The following ADAMTS20 variants were observed in gnomAD, a reference collection of about 807,000 sequenced individuals.
ADAMTS20 encodes the protein ADAM metallopeptidase with thrombospondin type 1 motif 20.
ADAMTS20 carries 225 observed loss-of-function variants against 260.1 expected under a neutral mutation model. The ratio of observed to expected loss-of-function variants is 0.87; its 90% CI spans 0.78 to 0.97. The LOEUF is 0.97. Among genes scored for constraint, ADAMTS20 ranks in the 50% least tolerant of loss-of-function variants. The pLI is 0.00. For synonymous variants in ADAMTS20, 802 were observed against 769.5 expected, an observed-to-expected ratio of 1.04 and a Z score of -0.70; for missense variants, 2,400 against 2,337.7, an observed-to-expected ratio of 1.03 and a Z score of -0.55.
At chr12:43,535,431 T>A (rs2137510701) in intron 2 of ADAMTS20, among the ~76,000 whole-genome samples, 1 of 152,108 alleles carries the variant, frequency 6.6e-6, no homozygotes, top group South Asian at 2.1e-4. Context: ...TAAACTTGGG[T>A]GAGAAAAAAA....
chr12:43,528,348 CAAAAAAAAAAAAAAA>C (rs58281767), intron 3 of ADAMTS20, among the ~76,000 whole-genome samples: 2 of 29,048 alleles, frequency 6.9e-5, no homozygotes, highest in African/African-American at 3.1e-4. Flanking sequence ...CAATCCTAAG[CAAAAAAAAAAAAAAA>C]AAAAAAAAAA....
chr12:43,501,517 C>G (rs6582469), intron 4 of ADAMTS20, among the ~76,000 whole-genome samples: 104,731 of 149,330 alleles, frequency 0.7, 37,149 homozygotes, highest in East Asian at 1. Flanking sequence ...AAGGATGAAG[C>G]GTGATGCCAC....
intron 37 of ADAMTS20, among the ~76,000 whole-genome samples, chr12:43,360,353 G>A (rs535494342): frequency 6.6e-6 from 1 of 152,284 alleles, no homozygotes; most frequent in East Asian, 1.9e-4. Context: ...GGAGGCTGAG[G>A]CAGGAGAATT....
chr12:43,403,719 T>C (rs1940858163), intron 28 of ADAMTS20, among the ~76,000 whole-genome samples: 4 of 151,738 alleles, frequency 2.6e-5, no homozygotes, highest in Non-Finnish European at 4.4e-5. Context: ...ATAAAATCAA[T>C]AAAGAACTAA....
intron 20 of ADAMTS20, 46 bp downstream of exon 20, chr12:43,432,555 T>C (rs943722202): frequency 6.2e-7 from 1 of 1,605,128 alleles, no homozygotes; most frequent in Non-Finnish European, 8.5e-7. Flanking sequence ...AATACGTAAT[T>C]AGAAAGAAAG....
At chr12:43,438,749 C>T (rs1291398623) in intron 18 of ADAMTS20, among the ~76,000 whole-genome samples, 2 of 152,110 alleles carry the variant, frequency 1.3e-5, no homozygotes, top group South Asian at 4.1e-4. Flanking sequence ...CCCACTCCTG[C>T]CCTAATTCCC....
intron 7 of ADAMTS20, among the ~76,000 whole-genome samples, chr12:43,478,526 C>G (rs1352780250): frequency 6.6e-6 from 1 of 151,922 alleles, no homozygotes; most frequent in Non-Finnish European, 1.5e-5. Context: ...AGATATAGGA[C>G]TCATGACATA....
intron 7 of ADAMTS20, among the ~76,000 whole-genome samples, chr12:43,476,901 C>T (rs1187316074): frequency 5.4e-5 from 8 of 148,964 alleles, no homozygotes; most frequent in East Asian, 4.0e-4. Flanking sequence ...GGCTAGATGA[C>T]GAGTTAGTGG....
chr12:43,381,631 A>AG (rs1449568868), intron 31 of ADAMTS20, among the ~76,000 whole-genome samples: 1 of 151,108 alleles, frequency 6.6e-6, no homozygotes, highest in Non-Finnish European at 1.5e-5. Context: ...AAAAAAAAAA[A>AG]AAAGCTAGAG....
At chr12:43,483,119 G>A (rs1942466951) in intron 7 of ADAMTS20, among the ~76,000 whole-genome samples, 1 of 152,144 alleles carries the variant, frequency 6.6e-6, no homozygotes, top group South Asian at 2.1e-4. Flanking sequence ...CATCAGAGCT[G>A]GTACTGGTAC....
At chr12:43,531,564 A>G (rs1445513526) in intron 3 of ADAMTS20, among the ~76,000 whole-genome samples, 1 of 152,124 alleles carries the variant, frequency 6.6e-6, no homozygotes, top group Non-Finnish European at 1.5e-5. Context: ...GACCTTATTT[A>G]TATGTGGAAT....
rs1246150940 is a variant in ADAMTS20, at chr12:43,551,019, C to A, written c.343G>T (p.Gly115Trp). The A allele has an allele frequency of 3.1e-6, 5 of 1,613,738 alleles. No individual in the cohort carries two copies. Among genetic ancestry groups the A allele is most frequent in the Non-Finnish European group, 4.2e-6 (5 of 1,179,786 alleles). ...GGCCCTGCGTCGCTCTCCCAGGCCC[C>A]GCGCTCCGGGGTTCCCAAGTGCACC... ...TEVHLGTPER[G>W]AWESDAGPSD... Residue 115 changes from glycine (G) to tryptophan (W), a missense_variant, in exon 2 of 39, where the codon GGG becomes TGG. By Grantham distance (184) the Gly-to-Trp change is radical. Transcript: ENST00000389420. This position sits in a 1 kb window ranked among gnomAD's most constrained non-coding sequence, Gnocchi z 4.6.
intron 24 of ADAMTS20, among the ~76,000 whole-genome samples, chr12:43,429,245 A>G (rs1592063839): frequency 3.3e-5 from 5 of 152,300 alleles, no homozygotes; most frequent in African/African-American, 1.2e-4. Flanking sequence ...TTAGCAACGT[A>G]TACTCCACAT....
intron 29 of ADAMTS20, among the ~76,000 whole-genome samples, chr12:43,391,386 T>C (rs1940593670): frequency 1.3e-5 from 2 of 152,176 alleles, no homozygotes; most frequent in South Asian, 4.1e-4. Context: ...TTCTGTTCTT[T>C]TTTACTCCAG....
intron 18 of ADAMTS20, among the ~76,000 whole-genome samples, chr12:43,438,640 C>T (rs373887314): frequency 9.8e-5 from 15 of 152,310 alleles, no homozygotes; most frequent in East Asian, 5.8e-4. Flanking sequence ...AGATGGTAGA[C>T]TGTTCTTCAC....
chr12:43,432,573 T>A, intron 20 of ADAMTS20, 28 bp downstream of exon 20: 2 of 1,607,450 alleles, frequency 1.2e-6, no homozygotes, highest in South Asian at 1.1e-5. Context: ...AAGGGGCAAC[T>A]TTTTTTAAGC....
chr12:43,541,575 T>A (rs1189970210), intron 2 of ADAMTS20, among the ~76,000 whole-genome samples: 1 of 152,184 alleles, frequency 6.6e-6, no homozygotes, highest in Non-Finnish European at 1.5e-5. Flanking sequence ...TTAATTTTTA[T>A]TTGGGGATAA....
At chr12:43,451,966 C>G (rs949078431) in intron 14 of ADAMTS20, among the ~76,000 whole-genome samples, 1 of 152,084 alleles carries the variant, frequency 6.6e-6, no homozygotes, top group Non-Finnish European at 1.5e-5. Flanking sequence ...CCTTACAATC[C>G]TTTTATCTTA....
Position 43,427,330 on chromosome 12 carries a change from C to T in ADAMTS20, c.4085G>A (p.Trp1362Ter), listed in dbSNP as rs1941351978. ...TACTTCTCCCCAATTTCCGTAGTTC[C>T]ACTGTGGACAAGGCCCTGGACCACA... Reference protein sequence around the residue: ...QQCGPGPCPQWNYGNWGECSQ... With the variant: ...QQCGPGPCPQ Residue 1362 changes from tryptophan to a stop codon, truncating the protein, a stop_gained, in exon 27 of 39, where the codon TGG becomes TAG. Transcript: ENST00000389420. LOFTEE classifies it high-confidence loss of function. The T allele has an allele frequency of 6.2e-7, 1 of 1,613,030 alleles. No homozygotes were observed. The highest frequency in any genetic ancestry group is 1.3e-5 in the African/African-American group (1 of 74,830).
Sources: allele counts gnomAD v4.1 joint callset (sites outside exome capture counted in the v4.1 genomes callset), GRCh38; gene constraint gnomAD v4.1.1; non-coding constraint Gnocchi (gnomAD v3.1); transcripts MANE v1.5; gene names NCBI Gene and HGNC (gene_info 2026-07-23, HGNC 2026-07-21).